Variants in FAM13B observed in about 807,000 individuals in gnomAD.
The protein encoded by FAM13B is family with sequence similarity 13 member B, also known as protein FAM13B.
A neutral mutation model predicts 117.3 loss-of-function variants in FAM13B; 60 were observed. The ratio of observed to expected loss-of-function variants is 0.51; its 90% CI spans 0.42 to 0.63. The LOEUF is 0.63. Among genes scored for constraint, FAM13B ranks in the 30% least tolerant of loss-of-function variants. FAM13B has a pLI of 0.00. For synonymous variants in FAM13B, 332 were observed against 356.1 expected (o/e 0.93, Z 0.76); for missense variants, 972 against 1,091.9 (o/e 0.89, Z 1.55).
chr5:138,046,089 G>A (rs575464322), intron 1 of FAM13B, among the ~76,000 whole-genome samples: 2 of 152,166 alleles, frequency 1.3e-5, no homozygotes, highest in Non-Finnish European at 2.9e-5. Flanking sequence ...TGCTGTTCTC[G>A]TGATAGTGAA....
chr5:138,017,228 G>A (rs1785489785), intron 4 of FAM13B, among the ~76,000 whole-genome samples: 1 of 152,154 alleles, frequency 6.6e-6, no homozygotes, highest in Non-Finnish European at 1.5e-5. Flanking sequence ...ATGTGTAAGA[G>A]GGTCACAGAA....
At chr5:137,968,729 T>C (rs1770933520) in intron 10 of FAM13B, among the ~76,000 whole-genome samples, 1 of 152,060 alleles carries the variant, frequency 6.6e-6, no homozygotes, top group Non-Finnish European at 1.5e-5. Flanking sequence ...TGCCAGACAG[T>C]GGGCGCAGGT....
Position 137,988,283 on chromosome 5 carries a change from G to A in FAM13B, c.881C>T (p.Ala294Val), listed in dbSNP as rs1777733711. Residue 294 changes from alanine (A) to valine (V), a missense_variant, in exon 8 of 24, where the codon GCC becomes GTC. Ala to Val is a moderately conservative substitution (Grantham distance 64). Coordinates refer to ENST00000689681, the MANE Select transcript of FAM13B (RefSeq NM_001385994.1). The stretch of plus-strand genomic sequence containing the variant: ...TAAATATACTACTTACTCTGTAGAG[G>A]CTGGTAGGATGCTGATGGGAGATAT... ...THISPISILP[A>V]STDILERTIR... The A allele has an allele frequency of 1.9e-6, 3 of 1,553,738 alleles. No individual in the cohort carries two copies. Among genetic ancestry groups the A allele is most frequent in the African/African-American group, 1.4e-5 (1 of 70,042 alleles).
At chr5:138,017,040 G>A (rs1785426833) in intron 4 of FAM13B, among the ~76,000 whole-genome samples, 1 of 152,110 alleles carries the variant, frequency 6.6e-6, no homozygotes, top group Non-Finnish European at 1.5e-5. Context: ...GCGTAATTTT[G>A]GGGGGAGAAA....
chr5:137,984,235 C>T (rs1451875803), intron 10 of FAM13B, among the ~76,000 whole-genome samples: 2 of 152,142 alleles, frequency 1.3e-5, no homozygotes, highest in African/African-American at 2.4e-5. Flanking sequence ...AAATAGCAAA[C>T]ACAGGATAAT....
chr5:138,001,777 G>C (rs948420514), intron 7 of FAM13B, among the ~76,000 whole-genome samples: 1 of 152,160 alleles, frequency 6.6e-6, no homozygotes, highest in Non-Finnish European at 1.5e-5. Context: ...GCAAAGAATT[G>C]AACATACTGA....
At chr5:138,007,339 G>GT (rs1192642546) in intron 6 of FAM13B, among the ~76,000 whole-genome samples, 192 bp from the exon 7 acceptor site, 5 of 152,108 alleles carry the variant, frequency 3.3e-5, no homozygotes, top group Non-Finnish European at 5.9e-5. Flanking sequence ...CCAGACAAAT[G>GT]TAACATTTTG....
At chr5:138,007,728 A>G (rs1469910970) in intron 6 of FAM13B, among the ~76,000 whole-genome samples, 1 of 152,232 alleles carries the variant, frequency 6.6e-6, no homozygotes, top group Non-Finnish European at 1.5e-5. Flanking sequence ...GGTTATAATT[A>G]TCTTGCTAGC....
At chr5:138,019,189 A>T (rs1786001153) in intron 2 of FAM13B, 43 bp from the exon 3 acceptor site, 1 of 1,542,908 alleles carries the variant, frequency 6.5e-7, no homozygotes, top group East Asian at 2.3e-5. Flanking sequence ...AATGATTAAC[A>T]GGTGGCAATA....
intron 14 of FAM13B, among the ~76,000 whole-genome samples, chr5:137,955,105 A>T (rs1305247006): frequency 6.6e-6 from 1 of 152,258 alleles, no homozygotes; most frequent in East Asian, 1.9e-4. Flanking sequence ...AGAAACAGCA[A>T]GAACTGAACA....
chr5:138,009,342 G>T (rs1348302846), intron 6 of FAM13B, among the ~76,000 whole-genome samples: 1 of 152,210 alleles, frequency 6.6e-6, no homozygotes, highest in Non-Finnish European at 1.5e-5. Context: ...CAACACAAAG[G>T]TGAAAATCTC....
upstream of FAM13B, among the ~76,000 whole-genome samples, chr5:138,034,532 T>G (rs888517036): frequency 6.6e-6 from 1 of 152,242 alleles, no homozygotes; most frequent in Non-Finnish European, 1.5e-5. Flanking sequence ...TTATACTAGC[T>G]GTACAGTTTT....
chr5:137,940,034 T>A lies in FAM13B; in HGVS notation c.*191A>T. The A allele has an allele frequency of 6.2e-7, 1 of 1,612,914 alleles. No individual in the cohort carries two copies. The highest frequency in any genetic ancestry group is 1.1e-5 in the South Asian group (1 of 90,850). On this transcript the variant is annotated 3_prime_UTR_variant, in exon 24 of 24. Coordinates refer to ENST00000689681, the MANE Select transcript of FAM13B (RefSeq NM_001385994.1). ...GACAGTCTGTGGTTAATATGGAACA[T>A]CACTTACGCTCCCTTGAGAGGGCCT...
intron 1 of FAM13B, among the ~76,000 whole-genome samples, chr5:138,044,177 C>T (rs902456394): frequency 6.6e-6 from 1 of 152,130 alleles, no homozygotes; most frequent in South Asian, 2.1e-4. Context: ...GATCCTCCCA[C>T]TTCAGCCTCC....
chr5:138,040,346 G>A (rs760120622), intron 1 of FAM13B, among the ~76,000 whole-genome samples: 14 of 149,558 alleles, frequency 9.4e-5, no homozygotes, highest in Non-Finnish European at 1.8e-4. Flanking sequence ...GAGGCGGGCC[G>A]ATCACAAGGT....
chr5:137,954,228 G>A lies in FAM13B; in HGVS notation c.1656C>T (p.Ser552=). Residue 552 remains serine (S), a synonymous_variant, in exon 15 of 24, where the codon AGC becomes AGT. Coordinates refer to ENST00000689681, the MANE Select transcript of FAM13B (RefSeq NM_001385994.1). ...LSHRSLDFGQ[S]QRFLHDPEKL... is the part of the protein sequence containing the mutation. ...TTTCTGGATCATGTAGGAAACGCTG[G>A]CTTTGACCAAAATCTAAACTGCGGT... 1 of 1,614,010 alleles carries A rather than the reference G, an allele frequency of 6.2e-7. No homozygotes were observed. Among genetic ancestry groups the A allele is most frequent in the South Asian group, 1.1e-5 (1 of 91,080 alleles).
rs376527148 is a variant in FAM13B, at chr5:137,946,343, A to G, written c.2161-32T>C. ...TTAAACAAAAAAAATAACAAAATAC[A>G]AAAAAAAAAAAACAAAAACAAAAAA... On this transcript the variant is annotated intron_variant, in intron 18 of 23. Coordinates refer to ENST00000689681, the MANE Select transcript of FAM13B (RefSeq NM_001385994.1). The G allele has an allele frequency of 6.8e-6, 4 of 589,256 alleles. No individual in the cohort carries two copies. In the South Asian group the frequency reaches 1.4e-4, roughly 21 times the overall value. The allele number at this position is 589,256 out of a possible 1,614,324, so 36.5% of individuals were successfully genotyped here.
chr5:137,941,980 C>T lies in FAM13B; in HGVS notation c.2654G>A (p.Arg885Gln), dbSNP rs149540815. The T allele has an allele frequency of 1.3e-4, 210 of 1,614,054 alleles. 1 individual carries two copies. The African/African-American group carries it at 1.3e-3, about 10-fold the overall frequency. ...TTGATAAAATGCTTCTTCAAATTCC[C>T]GCAACGTTTTGCGTAGTTTCTTTTT... Reference protein sequence around the residue: ...AEKKKLRKTLREFEEAFYQQN... With the variant: ...AEKKKLRKTLQEFEEAFYQQN... The change falls in exon 23 of 24, where the codon CGG becomes CAG. Residue 885 changes from arginine (R) to glutamine (Q), a missense_variant. Transcript: ENST00000689681.
chr5:137,997,278 C>A (rs1780100981), intron 7 of FAM13B, among the ~76,000 whole-genome samples: 1 of 151,896 alleles, frequency 6.6e-6, no homozygotes, highest in Non-Finnish European at 1.5e-5. Flanking sequence ...GGGCAGCCTG[C>A]CCAACATGGT....
Sources: allele counts gnomAD v4.1 joint callset (sites outside exome capture counted in the v4.1 genomes callset), GRCh38; gene constraint gnomAD v4.1.1; transcripts MANE v1.5; gene names NCBI Gene and HGNC (gene_info 2026-07-23, HGNC 2026-07-21).